Variants in FAM221A observed in about 807,000 individuals in gnomAD.
FAM221A encodes protein FAM221A.
In FAM221A, 43 loss-of-function variants were observed where a neutral mutation model predicts 37.6. The observed-to-expected ratio is 1.15, with a 90% CI of 0.90 to 1.48. The LOEUF is 1.48. Ranked by LOEUF, FAM221A falls within the 40% of genes most tolerant of loss-of-function variation. The pLI is 0.00. For synonymous variants in FAM221A, 135 were observed against 132.9 expected, an observed-to-expected ratio of 1.02 and a Z score of -0.11; for missense variants, 361 against 361.5, an observed-to-expected ratio of 1.00 and a Z score of 0.01.
chr7:23,696,582 G>A (rs1056930369), intron 4 of FAM221A, among the ~76,000 whole-genome samples: 2 of 152,104 alleles, frequency 1.3e-5, no homozygotes, highest in African/African-American at 4.8e-5. Context: ...TAAATAAAAT[G>A]TTACACTTTT....
At chr7:23,692,125 A>G (rs1185301027) in intron 4 of FAM221A, 1 of 813,194 alleles carries the variant, frequency 1.2e-6, no homozygotes, top group Non-Finnish European at 1.5e-6. Flanking sequence ...TCTTGCATAC[A>G]TATATGTTGT....
chr7:23,689,423 C>A lies in FAM221A; in HGVS notation c.394C>A (p.Gln132Lys). 2.5e-6 allele frequency: 4 copies of A among 1,592,526 alleles called. No homozygotes were observed. Among genetic ancestry groups the A allele is most frequent in the Non-Finnish European group, 3.4e-6 (4 of 1,162,936 alleles). Residue 132 changes from glutamine to lysine, a missense_variant, in exon 3 of 7, where the codon CAG becomes AAG. Coordinates refer to ENST00000344962, the MANE Select transcript of FAM221A (RefSeq NM_199136.5). ...IRCRCKHFAD[Q>K]HSAAPGFTCN... The stretch of plus-strand genomic sequence containing the variant: ...CTGCAGGTGCAAACACTTTGCTGAT[C>A]AGCACAGTGCTGCGCCTGGCTTTAC...
At chr7:23,690,201 T>TATATATATATATA (rs1562522045) in intron 3 of FAM221A, among the ~76,000 whole-genome samples, 5 of 38,506 alleles carry the variant, frequency 1.3e-4, no homozygotes, top group South Asian at 1.7e-3. Flanking sequence ...ATATATATAT[T>TATATATATATATA]TTTTTTTTTT....
At chr7:23,689,127 G>A (rs1784552553) in intron 2 of FAM221A, 142 bp from the exon 3 acceptor site, 1 of 523,958 alleles carries the variant, frequency 1.9e-6, no homozygotes, top group Non-Finnish European at 3.3e-6. Context: ...CTATATGTAG[G>A]AGAGTTTATT....
At chr7:23,696,100 G>A (rs1012807920) in intron 4 of FAM221A, among the ~76,000 whole-genome samples, 1 of 152,192 alleles carries the variant, frequency 6.6e-6, no homozygotes, top group Non-Finnish European at 1.5e-5. Context: ...AGATGGTAGA[G>A]CATACTACAC....
chr7:23,692,550 C>G (rs902162890), intron 4 of FAM221A: 1 of 419,486 alleles, frequency 2.4e-6, no homozygotes, highest in Non-Finnish European at 3.2e-6. Context: ...CCATGTTGGT[C>G]AGGCTGGTCT....
chr7:23,684,303 C>T (rs1396844152), intron 1 of FAM221A, among the ~76,000 whole-genome samples, 196 bp from the exon 2 acceptor site: 2 of 130,202 alleles, frequency 1.5e-5, no homozygotes, highest in Non-Finnish European at 3.5e-5. Context: ...GTTCTATTAG[C>T]TTTTAATATT....
intron 3 of FAM221A, among the ~76,000 whole-genome samples, chr7:23,690,884 G>T (rs1019213613): frequency 1.3e-5 from 2 of 152,150 alleles, no homozygotes; most frequent in Non-Finnish European, 2.9e-5. Context: ...GTGGTCTTTT[G>T]TGACTGGCTT....
intron 3 of FAM221A, among the ~76,000 whole-genome samples, chr7:23,690,602 C>T (rs892746644): frequency 6.6e-6 from 1 of 152,096 alleles, no homozygotes; most frequent in African/African-American, 2.4e-5. Flanking sequence ...TTTTATACAA[C>T]GACTTTTCTA....
chr7:23,700,400 G>C (rs754174746), intron 5 of FAM221A, among the ~76,000 whole-genome samples: 1 of 152,152 alleles, frequency 6.6e-6, no homozygotes, highest in African/African-American at 2.4e-5. Context: ...TTTGAAGCAG[G>C]TACTATCATT....
chr7:23,681,366 C>T (rs4722244), intron 1 of FAM221A, among the ~76,000 whole-genome samples: 66,999 of 151,994 alleles, frequency 0.44, 15,676 homozygotes, highest in South Asian at 0.67. Context: ...TTGCCTAGCT[C>T]CGAACATGTT....
intron 1 of FAM221A, 126 bp downstream of exon 1, chr7:23,680,409 G>T: frequency 1.4e-6 from 1 of 698,114 alleles, no homozygotes; most frequent in Non-Finnish European, 2.4e-6. Context: ...TGGGCTGTTG[G>T]GGGAGGCCTA....
At chr7:23,692,594 A>C (rs1784817012) in intron 4 of FAM221A, 2 of 868,870 alleles carry the variant, frequency 2.3e-6, no homozygotes, top group Non-Finnish European at 2.8e-6. Context: ...TGCCTGCCTC[A>C]GCCTCCCAAA....
At chr7:23,687,636 A>G (rs1161846685) in intron 2 of FAM221A, 2 of 149,562 alleles carry the variant, frequency 1.3e-5, no homozygotes, top group Non-Finnish European at 3.0e-5. Context: ...GTTCTTTTGT[A>G]ACACTCTTTT....
intron 6 of FAM221A, 83 bp from the exon 7 acceptor site, chr7:23,701,988 AATAACTGTGGAATGGCTGTGACATG>A: frequency 1.7e-6 from 1 of 574,412 alleles, no homozygotes; most frequent in Non-Finnish European, 2.9e-6. Flanking sequence ...TTAGCAGCTT[AATAACTGTGGAATGGCTGTGACATG>A]AATCTGAATG....
At chr7:23,681,861 A>G in intron 1 of FAM221A, among the ~76,000 whole-genome samples, 1 of 152,196 alleles carries the variant, frequency 6.6e-6, no homozygotes, top group South Asian at 2.1e-4. Flanking sequence ...TGGGGTGGGA[A>G]GATGAGTCAA....
intron 6 of FAM221A, 93 bp downstream of exon 6, chr7:23,700,961 A>G: frequency 9.3e-6 from 8 of 859,488 alleles, no homozygotes; most frequent in Non-Finnish European, 1.3e-5. Flanking sequence ...ATCCTTGAAA[A>G]TAATTTATAA....
At chr7:23,689,966 A>G (rs1784614393) in intron 3 of FAM221A, among the ~76,000 whole-genome samples, 1 of 151,776 alleles carries the variant, frequency 6.6e-6, no homozygotes, top group Non-Finnish European at 1.5e-5. Flanking sequence ...CTTACACTGG[A>G]TCATCCATTC....
chr7:23,681,920 G>T (rs1381386723), intron 1 of FAM221A, among the ~76,000 whole-genome samples: 1 of 152,106 alleles, frequency 6.6e-6, no homozygotes, highest in Non-Finnish European at 1.5e-5. Context: ...AGTTTTCCTG[G>T]ATTTGCTCTT....
Sources: allele counts gnomAD v4.1 joint callset (sites outside exome capture counted in the v4.1 genomes callset), GRCh38; gene constraint gnomAD v4.1.1; transcripts MANE v1.5; gene names NCBI Gene and HGNC (gene_info 2026-07-23, HGNC 2026-07-21).